FARS2: variants seen among roughly 807,000 people sequenced by gnomAD.
FARS2 encodes phenylalanine--tRNA ligase, mitochondrial.
In FARS2, 40 loss-of-function variants were observed where a neutral mutation model predicts 46.4. The ratio of observed to expected loss-of-function variants is 0.86; its 90% CI spans 0.67 to 1.12. FARS2 has a LOEUF of 1.12. FARS2 is among the 50% of genes most tolerant of loss of function. The pLI is 0.00. For missense variants in FARS2, 513 were observed against 567.9 expected (o/e 0.90, Z 0.98); for synonymous variants, 234 against 214.9 (o/e 1.09, Z -0.78).
intron 1 of FARS2, among the ~76,000 whole-genome samples, chr6:5,294,992 G>A (rs1052062559): frequency 6.6e-6 from 1 of 152,160 alleles, no homozygotes; most frequent in Admixed American, 6.5e-5. Flanking sequence ...TGCCCCTGAG[G>A]CCTAAAACAC....
intron 1 of FARS2, among the ~76,000 whole-genome samples, chr6:5,320,270 C>A (rs1440028728): frequency 6.6e-6 from 1 of 151,704 alleles, no homozygotes; most frequent in African/African-American, 2.4e-5. Context: ...ATCTCCCTAA[C>A]GATCTGCTGC....
intron 5 of FARS2, among the ~76,000 whole-genome samples, chr6:5,549,485 C>T (rs1771246229): frequency 6.6e-6 from 1 of 152,158 alleles, no homozygotes; most frequent in East Asian, 1.9e-4. Flanking sequence ...AAAGGCCATC[C>T]TCAGTCCTTG....
intron 1 of FARS2, among the ~76,000 whole-genome samples, chr6:5,266,577 C>G (rs1448173488): frequency 6.6e-6 from 1 of 152,104 alleles, no homozygotes; most frequent in Non-Finnish European, 1.5e-5. Context: ...TGGAAAGTAG[C>G]TAGTGTGGAC....
At chr6:5,450,606 AC>A (rs1206040060) in intron 4 of FARS2, among the ~76,000 whole-genome samples, 2 of 152,046 alleles carry the variant, frequency 1.3e-5, no homozygotes, top group Non-Finnish European at 2.9e-5. Flanking sequence ...ATGTTTTTCA[AC>A]CATTTAAAAA....
At chr6:5,491,998 A>G (rs1767144649) in intron 4 of FARS2, among the ~76,000 whole-genome samples, 1 of 152,090 alleles carries the variant, frequency 6.6e-6, no homozygotes, top group African/African-American at 2.4e-5. Flanking sequence ...CAGTAACCAA[A>G]CTTCTTGACC....
At position 5,709,695 on chromosome 6, in the gene FARS2, T is replaced by TGCGCGC. The variant is rs1270509158; in HGVS notation, c.1218-61595_1218-61594insCGCGCG. On this transcript the variant is annotated intron_variant, in intron 6 of 6. Transcript: ENST00000274680. ...GGGTGTGTGTGTGTGTGTGTGTGTG[T>TGCGCGC]GTGCGCATGCACGTGCATGTTGGGG... Among the ~76,000 whole-genome samples, 29 of 114,156 alleles carry TGCGCGC rather than the reference T, an allele frequency of 2.5e-4. 1 individual carries two copies. Among genetic ancestry groups the TGCGCGC allele is most frequent in the Middle Eastern group, 8.8e-3 (2 of 226 alleles). 74.9% of individuals were successfully genotyped at this position (114,156 alleles called of 152,430 possible).
chr6:5,532,131 T>C (rs2150458803), intron 4 of FARS2, among the ~76,000 whole-genome samples: 1 of 152,350 alleles, frequency 6.6e-6, no homozygotes, highest in Non-Finnish European at 1.5e-5. Context: ...TTACTGGCTT[T>C]CGTGGAATAA....
upstream of FARS2, among the ~76,000 whole-genome samples, chr6:5,258,139 T>C (rs1764770764): frequency 6.6e-6 from 1 of 152,174 alleles, no homozygotes; most frequent in Non-Finnish European, 1.5e-5. Flanking sequence ...CAACTGATGA[T>C]GACAGAGGAC....
intron 5 of FARS2, among the ~76,000 whole-genome samples, chr6:5,582,404 G>A (rs1007181956): frequency 3.3e-5 from 5 of 152,204 alleles, no homozygotes; most frequent in East Asian, 1.9e-4. Context: ...ATGGACCCAC[G>A]GTGGCTATGC....
chr6:5,476,447 C>T (rs1292665600), intron 4 of FARS2, among the ~76,000 whole-genome samples: 6 of 152,104 alleles, frequency 3.9e-5, no homozygotes, highest in African/African-American at 1.2e-4. Context: ...TTCATTTGGA[C>T]AGGAACTTAC....
intron 6 of FARS2, among the ~76,000 whole-genome samples, chr6:5,714,473 T>G (rs1759374454): frequency 6.6e-6 from 1 of 150,774 alleles, no homozygotes; most frequent in Admixed American, 6.6e-5. Flanking sequence ...TCAGTTGGTC[T>G]TCTTCTAGCT....
intron 1 of FARS2, among the ~76,000 whole-genome samples, chr6:5,297,872 A>T (rs1372309342): frequency 6.6e-6 from 1 of 152,230 alleles, no homozygotes; most frequent in Admixed American, 6.5e-5. Flanking sequence ...AATTTAAAGC[A>T]AATATGCGTT....
In FARS2 at chr6:5,630,085, C is replaced by A. The variant is rs76034339; in HGVS notation, c.1217+16765C>A. Among the ~76,000 whole-genome samples the A allele has an allele frequency of 4.1e-4, 63 of 152,176 alleles. 1 individual carries two copies. Among genetic ancestry groups the A allele is most frequent in the Non-Finnish European group, 8.4e-4 (57 of 68,034 alleles). ...GGCCAGGATTGGAACGTGTACTACT[C>A]TTGACCACTGGAGCTCCAGACATGA... On this transcript the variant is annotated intron_variant, in intron 6 of 6. Transcript: ENST00000274680. The surrounding 1 kb of genome is among the most constrained non-coding windows in gnomAD (Gnocchi z 4.2).
chr6:5,271,315 C>T (rs1315661149), intron 1 of FARS2, among the ~76,000 whole-genome samples: 1 of 152,152 alleles, frequency 6.6e-6, no homozygotes, highest in East Asian at 1.9e-4. Context: ...CAGCAGTCCT[C>T]TCCGTTCATG....
rs1477799394 is a variant in FARS2 at position 5,471,830 on chromosome 6, C to T, written c.904+40658C>T. On this transcript the variant is annotated intron_variant, in intron 4 of 6. Coordinates refer to ENST00000274680, the MANE Select transcript of FARS2 (RefSeq NM_006567.5). The surrounding 1 kb of genome is among the most constrained non-coding windows in gnomAD (Gnocchi z 4.1). ...ACACCAGGGCGACTTGAGAATTGAG[C>T]CCAGGGAAGCTGCAGTGTGGTGCAG... Among the ~76,000 whole-genome samples the T allele has an allele frequency of 1.3e-5, 2 of 152,140 alleles. No individual in the cohort carries two copies. The highest frequency in any genetic ancestry group is 2.9e-5 in the Non-Finnish European group (2 of 68,026).
intron 1 of FARS2, among the ~76,000 whole-genome samples, chr6:5,337,152 T>C (rs1188283454): frequency 6.6e-6 from 1 of 151,236 alleles, no homozygotes; most frequent in Non-Finnish European, 1.5e-5. Context: ...ATTATATATG[T>C]ATGTGTGTGT....
chr6:5,503,216 G>A (rs1188676053), intron 4 of FARS2, among the ~76,000 whole-genome samples: 2 of 150,982 alleles, frequency 1.3e-5, no homozygotes, highest in African/African-American at 4.8e-5. Flanking sequence ...TAAGAAAATA[G>A]TAAATAAAAG....
chr6:5,557,102 C>T (rs564714025), intron 5 of FARS2, among the ~76,000 whole-genome samples: 42 of 152,174 alleles, frequency 2.8e-4, no homozygotes, highest in African/African-American at 7.5e-4. Context: ...AAGGAACTGA[C>T]GTAGAAAGAA....
At chr6:5,611,862 C>T (rs1400685235) in intron 5 of FARS2, among the ~76,000 whole-genome samples, 4 of 152,148 alleles carry the variant, frequency 2.6e-5, no homozygotes, top group Non-Finnish European at 4.4e-5. Flanking sequence ...AGTGTGGTAC[C>T]TCAGCTTGGA....
Sources: gnomAD v4.1 joint callset for allele counts (sites outside exome capture counted in the v4.1 genomes callset) on GRCh38, gnomAD v4.1.1 for gene constraint, Gnocchi (gnomAD v3.1) non-coding constraint, MANE v1.5 for transcripts, NCBI Gene and HGNC (gene_info 2026-07-23, HGNC 2026-07-21) for gene names.